Variants in OPRM1 observed in about 807,000 individuals in gnomAD.
OPRM1 encodes the protein opioid receptor mu 1.
Under a neutral mutation model 31.8 loss-of-function variants are expected in OPRM1, and 27 were observed. The ratio of observed to expected loss-of-function variants is 0.85; its 90% CI spans 0.63 to 1.17. The LOEUF is 1.17. OPRM1 is among the 50% of genes most tolerant of loss of function. OPRM1 has a pLI of 0.00. For synonymous variants in OPRM1, 196 were observed against 189.9 expected (o/e 1.03, Z -0.26); for missense variants, 536 against 511.1 (o/e 1.05, Z -0.47).
intron 1 of OPRM1, among the ~76,000 whole-genome samples, chr6:154,022,717 G>A (rs1353996859): frequency 6.6e-6 from 1 of 151,994 alleles, no homozygotes; most frequent in South Asian, 2.1e-4. Context: ...ATTTTGATTT[G>A]ATTTTTGTAT....
intron 1 of OPRM1, among the ~76,000 whole-genome samples, chr6:154,026,559 G>A (rs1182537617): frequency 6.6e-6 from 1 of 151,890 alleles, no homozygotes; most frequent in African/African-American, 2.4e-5. Context: ...CCTCTTTAAG[G>A]CCAATAACTC....
intron 3 of OPRM1, among the ~76,000 whole-genome samples, chr6:154,205,844 A>G (rs997450736): frequency 3.9e-5 from 6 of 151,970 alleles, no homozygotes; most frequent in Admixed American, 2.0e-4. Context: ...AACACATCAT[A>G]AAGTTTTGTA....
intron 3 of OPRM1, among the ~76,000 whole-genome samples, chr6:154,152,343 G>GAAAA (rs753860826): frequency 1.5e-4 from 3 of 20,484 alleles, no homozygotes; most frequent in Non-Finnish European, 3.3e-4. Flanking sequence ...AAGAAAGAAA[G>GAAAA]AAAGGAAAGA....
chr6:154,118,453 T>C (rs978325993), intron 3 of OPRM1, among the ~76,000 whole-genome samples: 1 of 152,212 alleles, frequency 6.6e-6, no homozygotes, highest in Non-Finnish European at 1.5e-5. Context: ...TATACAGTTC[T>C]TTTCAGTAGC....
At chr6:154,165,069 G>A (rs1260095662) in intron 3 of OPRM1, among the ~76,000 whole-genome samples, 1 of 152,084 alleles carries the variant, frequency 6.6e-6, no homozygotes, top group African/African-American at 2.4e-5. Flanking sequence ...AAACTCTGTT[G>A]TCTTTGCTTG....
At chr6:154,141,895 C>T (rs1798222541) in intron 3 of OPRM1, among the ~76,000 whole-genome samples, 1 of 152,136 alleles carries the variant, frequency 6.6e-6, no homozygotes, top group Admixed American at 6.5e-5. Context: ...TTTCAAGGCC[C>T]AAGATATTTT....
intron 3 of OPRM1, among the ~76,000 whole-genome samples, chr6:154,193,689 T>TA (rs1802134551): frequency 6.6e-6 from 1 of 152,188 alleles, no homozygotes; most frequent in Admixed American, 6.5e-5. Flanking sequence ...TCCAACCCTC[T>TA]ACACCGCTAG....
rs1797889750 is a variant in OPRM1 at position 154,131,437 on chromosome 6, C to G, written c.*12716C>G. ...AATCAACCCTTCCACCCATTGTCCT[C>G]TTTCTAGCTGCTTATATTCCTGAGT... On this transcript the variant is annotated 3_prime_UTR_variant, in exon 4 of 4. Transcript: ENST00000330432. Among the ~76,000 whole-genome samples the G allele has an allele frequency of 6.6e-6, 1 of 152,170 alleles. No individual in the cohort carries two copies. Among genetic ancestry groups the G allele is most frequent in the African/African-American group, 2.4e-5 (1 of 41,446 alleles).
At chr6:154,180,405 TATA>T (rs1358654685) in intron 3 of OPRM1, among the ~76,000 whole-genome samples, 11 of 41,988 alleles carry the variant, frequency 2.6e-4, no homozygotes, top group Middle Eastern at 0.018. Context: ...TATATATATA[TATA>T]TATATATTTT....
Position 154,099,035 on chromosome 6 carries a change from T to A in OPRM1, c.1164+7563T>A, listed in dbSNP as rs117719507. On this transcript the variant is annotated intron_variant, in intron 3 of 3. Transcript: ENST00000330432. The stretch of plus-strand genomic sequence containing the variant: ...TGGCTCTCATCTGTAATCTCAGCAT[T>A]TTGGGAGGCCGAGGCCAGTGAATTG... Among the ~76,000 whole-genome samples, 75 of 152,112 alleles carry A rather than the reference T, an allele frequency of 4.9e-4. No individual in the cohort carries two copies. In the East Asian group the frequency reaches 0.013, roughly 27 times the overall value.
intron 1 of OPRM1, among the ~76,000 whole-genome samples, chr6:154,033,654 C>A (rs1013459102): frequency 3.3e-5 from 5 of 151,984 alleles, no homozygotes; most frequent in Non-Finnish European, 5.9e-5. Context: ...GTGATTTGCT[C>A]AAGAAGTGAT....
At chr6:154,107,775 C>T (rs746994648) in intron 3 of OPRM1, 3 of 718,256 alleles carry the variant, frequency 4.2e-6, no homozygotes, top group South Asian at 1.5e-5. Flanking sequence ...TGTTGCTGAC[C>T]AACTTGCCGG....
chr6:154,092,134 T>C (rs1792404146), intron 3 of OPRM1, among the ~76,000 whole-genome samples: 1 of 152,172 alleles, frequency 6.6e-6, no homozygotes, highest in African/African-American at 2.4e-5. Flanking sequence ...ACCTCATGCT[T>C]GTTGGAGATA....
intron 3 of OPRM1, among the ~76,000 whole-genome samples, chr6:154,098,815 C>T (rs1303935660): frequency 1.3e-5 from 2 of 152,166 alleles, no homozygotes; most frequent in African/African-American, 4.8e-5. Flanking sequence ...GGGTGTAGAA[C>T]AAAATTTGTC....
intron 1 of OPRM1, among the ~76,000 whole-genome samples, chr6:154,076,283 C>T (rs1484862191): frequency 1.3e-5 from 2 of 152,024 alleles, no homozygotes; most frequent in Non-Finnish European, 2.9e-5. Flanking sequence ...TGTAATACTC[C>T]TAAGGGACAA....
At chr6:154,209,671 TA>T (rs1268528016) in intron 3 of OPRM1, among the ~76,000 whole-genome samples, 7 of 151,572 alleles carry the variant, frequency 4.6e-5, no homozygotes, top group Admixed American at 1.3e-4. Context: ...AGTTACTATA[TA>T]TTTTTTTTAT....
At chr6:154,205,403 T>C (rs1287302619) in intron 3 of OPRM1, among the ~76,000 whole-genome samples, 1 of 152,166 alleles carries the variant, frequency 6.6e-6, no homozygotes, top group Non-Finnish European at 1.5e-5. Flanking sequence ...AAGACCAGCC[T>C]GGTCAATATG....
Position 154,123,439 on chromosome 6 carries a change from A to ATGAT in OPRM1, c.*4720_*4723dup, listed in dbSNP as rs1797410370. ...GGCTGCTCCATTTTTGCCTGTAGCT[A>ATGAT]TGATTTTTCAGGCAGCCTGCTTCTC... On this transcript the variant is annotated 3_prime_UTR_variant, in exon 4 of 4. Transcript: ENST00000330432. Among the ~76,000 whole-genome samples, 1 of 152,168 alleles carries ATGAT rather than the reference A, an allele frequency of 6.6e-6. No individual in the cohort carries two copies. The highest frequency in any genetic ancestry group is 6.5e-5 in the Admixed American group (1 of 15,274).
At chr6:154,201,719 A>G (rs922469323) in intron 3 of OPRM1, among the ~76,000 whole-genome samples, 2 of 152,010 alleles carry the variant, frequency 1.3e-5, no homozygotes, top group African/African-American at 4.8e-5. Flanking sequence ...ACATGGCGAA[A>G]CCCCGTCTCT....
Sources: gnomAD v4.1 joint callset for allele counts (sites outside exome capture counted in the v4.1 genomes callset) on GRCh38, gnomAD v4.1.1 for gene constraint, MANE v1.5 for transcripts, NCBI Gene and HGNC (gene_info 2026-07-23, HGNC 2026-07-21) for gene names.